GUCY1A2: variants seen among roughly 807,000 people sequenced by gnomAD.
GUCY1A2 encodes guanylate cyclase 1 soluble subunit alpha 2.
A neutral mutation model predicts 63.5 loss-of-function variants in GUCY1A2; 27 were observed. The observed-to-expected ratio is 0.43, with a 90% CI of 0.31 to 0.59. GUCY1A2 has a LOEUF of 0.59. Among genes scored for constraint, GUCY1A2 ranks in the 20% least tolerant of loss-of-function variants. GUCY1A2 has a pLI of 0.11. For synonymous variants in GUCY1A2, 364 were observed against 343.5 expected, an observed-to-expected ratio of 1.06 and a Z score of -0.66; for missense variants, 768 against 913.3, an observed-to-expected ratio of 0.84 and a Z score of 2.05.
chr11:106,965,246 G>A (rs1254362870), intron 3 of GUCY1A2, among the ~76,000 whole-genome samples: 3 of 152,050 alleles, frequency 2.0e-5, no homozygotes, highest in African/African-American at 4.8e-5. Context: ...TTGGCTAAGC[G>A]ATTTGGAGTA....
chr11:106,735,230 T>A (rs959686657), intron 6 of GUCY1A2, among the ~76,000 whole-genome samples: 2 of 152,106 alleles, frequency 1.3e-5, no homozygotes, highest in African/African-American at 4.8e-5. Flanking sequence ...ATACTACATC[T>A]TATTCATTGT....
chr11:106,695,417 AT>A (rs1437616601), intron 7 of GUCY1A2, among the ~76,000 whole-genome samples: 5 of 152,156 alleles, frequency 3.3e-5, no homozygotes, highest in Non-Finnish European at 7.4e-5. Context: ...TAAGGAATGC[AT>A]TTGGATTCTA....
At chr11:107,000,239 G>A (rs1861595486) in intron 1 of GUCY1A2, among the ~76,000 whole-genome samples, 1 of 152,206 alleles carries the variant, frequency 6.6e-6, no homozygotes, top group Non-Finnish European at 1.5e-5. Context: ...AGACTTTATA[G>A]CTTGCAAACA....
chr11:106,786,760 G>A (rs1481306844), intron 5 of GUCY1A2, among the ~76,000 whole-genome samples: 1 of 152,132 alleles, frequency 6.6e-6, no homozygotes, highest in Admixed American at 6.5e-5. Context: ...CTCTACCACT[G>A]TAATTGACTC....
At position 106,939,742 on chromosome 11, in the gene GUCY1A2, T is replaced by C. The variant is rs199677515; in HGVS notation, c.924A>G (p.Gly308=). The change falls in exon 4 of 8, where the codon GGA becomes GGG. Residue 308 remains glycine (G), a synonymous_variant. Coordinates refer to ENST00000526355, the MANE Select transcript of GUCY1A2 (RefSeq NM_000855.3). The part of the protein sequence containing the change: ...NTNIMKNLPQ[G]TSQVPADLRI... ...TGAGGTCCGCAGGAACTTGGGAGGT[T>C]CCCTGTGGAAGGTTCTTCATGATAT... The C allele has an allele frequency of 1.4e-5, 23 of 1,613,960 alleles. No homozygotes were observed. The East Asian group carries it at 4.9e-4, about 34-fold the overall frequency.
chr11:106,990,597 G>T (rs2120153059), intron 1 of GUCY1A2, among the ~76,000 whole-genome samples: 1 of 152,388 alleles, frequency 6.6e-6, no homozygotes, highest in African/African-American at 2.4e-5. Flanking sequence ...GTGTGTGTGT[G>T]TGTGCGCGCA....
At chr11:106,818,270 A>G (rs1767576958) in intron 4 of GUCY1A2, among the ~76,000 whole-genome samples, 1 of 152,106 alleles carries the variant, frequency 6.6e-6, no homozygotes, top group African/African-American at 2.4e-5. Context: ...TCATATGCTC[A>G]TCTCATGTCT....
chr11:106,778,679 G>A (rs1864405378), intron 5 of GUCY1A2, among the ~76,000 whole-genome samples: 1 of 151,914 alleles, frequency 6.6e-6, no homozygotes, highest in African/African-American at 2.4e-5. Flanking sequence ...AAAAAGAAAT[G>A]GGACTATGTT....
intron 6 of GUCY1A2, among the ~76,000 whole-genome samples, chr11:106,717,869 TAATC>T (rs1028557277): frequency 3.3e-5 from 5 of 152,194 alleles, no homozygotes; most frequent in Non-Finnish European, 5.9e-5. Context: ...CTTTTCTTAA[TAATC>T]AATATTTTTC....
At chr11:106,973,068 A>T (rs528977515) in intron 3 of GUCY1A2, among the ~76,000 whole-genome samples, 4 of 152,094 alleles carry the variant, frequency 2.6e-5, no homozygotes, top group African/African-American at 9.7e-5. Context: ...TATCTCAGGG[A>T]AAGTATGTAA....
chr11:106,862,766 T>C (rs746344254), intron 4 of GUCY1A2, among the ~76,000 whole-genome samples: 7 of 151,528 alleles, frequency 4.6e-5, no homozygotes, highest in Non-Finnish European at 7.4e-5. Flanking sequence ...GGCATGGAAG[T>C]GGCTCTGTAA....
chr11:106,868,340 T>A (rs1266904790), intron 4 of GUCY1A2, among the ~76,000 whole-genome samples: 2 of 151,906 alleles, frequency 1.3e-5, no homozygotes, highest in African/African-American at 4.8e-5. Context: ...ATGACTTGAT[T>A]GTATATCTGG....
chr11:106,846,559 T>C (rs1237700107), intron 4 of GUCY1A2, among the ~76,000 whole-genome samples: 2 of 151,798 alleles, frequency 1.3e-5, no homozygotes, highest in African/African-American at 4.8e-5. Context: ...CTATTTGTAC[T>C]ATTGTAGGGA....
In GUCY1A2 at chr11:106,939,603, G is replaced by A. The variant is rs1263876712; in HGVS notation, c.1063C>T (p.His355Tyr). 6.2e-7 allele frequency: 1 copy of A among 1,613,694 alleles called. No individual in the cohort carries two copies. Among genetic ancestry groups the A allele is most frequent in the Non-Finnish European group, 8.5e-7 (1 of 1,179,648 alleles). The change falls in exon 4 of 8, where the codon CAC (histidine) becomes TAC (tyrosine). Residue 355 changes from histidine to tyrosine, a missense_variant. By Grantham distance (83) the His-to-Tyr change is moderately conservative. Transcript: ENST00000526355. ...GLRKQLRCDT[H>Y]KVLKFEDCFE... ...CAGTCCTCAAACTTGAGCACTTTGT[G>A]AGTGTCACATCGAAGCTGCTTCCTT...
At chr11:106,715,952 G>T (rs935106950) in intron 6 of GUCY1A2, among the ~76,000 whole-genome samples, 14 of 152,188 alleles carry the variant, frequency 9.2e-5, no homozygotes, top group Admixed American at 6.5e-5. Context: ...GGTGGGTGGG[G>T]CTGACCCACT....
rs1313700755 is a variant in GUCY1A2, at chr11:106,674,729, G to A, written c.*12820C>T. ...AAGTAAATCTAATAACAAAGGAGCAGATATACAATATGATTTACATTGCAA... is the reference window on the plus strand; with the variant it reads ...AAGTAAATCTAATAACAAAGGAGCAAATATACAATATGATTTACATTGCAA... On this transcript the variant is annotated 3_prime_UTR_variant, in exon 8 of 8. Transcript: ENST00000526355. 1 of 202,080 alleles carries A rather than the reference G, an allele frequency of 4.9e-6. No individual in the cohort carries two copies. Among genetic ancestry groups the A allele is most frequent in the Non-Finnish European group, 1.0e-5 (1 of 98,418 alleles). 12.5% of individuals were successfully genotyped at this position (202,080 alleles called of 1,614,324 possible).
In GUCY1A2 at chr11:106,677,713, T is replaced by G; in HGVS notation, c.*9836A>C. ...CCTTACCATCTATTTTCAGCTTGCCTCTAGGTTAACAGGATTAGACAACAG... is the reference window on the plus strand; with the variant it reads ...CCTTACCATCTATTTTCAGCTTGCCGCTAGGTTAACAGGATTAGACAACAG... On this transcript the variant is annotated 3_prime_UTR_variant, in exon 8 of 8. Coordinates refer to ENST00000526355, the MANE Select transcript of GUCY1A2 (RefSeq NM_000855.3). 4.7e-6 allele frequency: 1 copy of G among 210,774 alleles called. No individual in the cohort carries two copies. Among genetic ancestry groups the G allele is most frequent in the Non-Finnish European group, 9.6e-6 (1 of 103,692 alleles). The allele number at this position is 210,774 out of a possible 1,614,324, so 13.1% of individuals were successfully genotyped here. A position where few individuals can be genotyped will look rare whatever the true frequency, so the allele number is the denominator to read the frequency against.
At chr11:106,833,232 T>C (rs546122221) in intron 4 of GUCY1A2, among the ~76,000 whole-genome samples, 5 of 152,186 alleles carry the variant, frequency 3.3e-5, no homozygotes, top group African/African-American at 7.2e-5. Context: ...AAAGAAATAA[T>C]AGAGAAACTT....
intron 3 of GUCY1A2, among the ~76,000 whole-genome samples, chr11:106,941,914 C>A (rs1565338533): frequency 6.6e-6 from 1 of 152,140 alleles, no homozygotes; most frequent in South Asian, 2.1e-4. Context: ...GGATTGGATG[C>A]TCAAGACTTG....
Sources: allele counts gnomAD v4.1 joint callset (sites outside exome capture counted in the v4.1 genomes callset), GRCh38; gene constraint gnomAD v4.1.1; transcripts MANE v1.5; gene names NCBI Gene and HGNC (gene_info 2026-07-23, HGNC 2026-07-21).